Variants in BRINP2 observed in about 807,000 individuals in gnomAD.
BRINP2 encodes BMP/retinoic acid-inducible neural-specific protein 2.
In BRINP2, 21 loss-of-function variants were observed where a neutral mutation model predicts 69.2. The observed-to-expected ratio is 0.30, with a 90% CI of 0.22 to 0.44. BRINP2 has a LOEUF of 0.44. BRINP2 is among the 20% of genes least tolerant of loss of function. BRINP2 has a pLI of 1.00. For synonymous variants in BRINP2, 380 were observed against 394.1 expected, an observed-to-expected ratio of 0.96 and a Z score of 0.42; for missense variants, 877 against 986.0, an observed-to-expected ratio of 0.89 and a Z score of 1.48.
At chr1:177,180,987 T>G (rs1448778580) in intron 1 of BRINP2, among the ~76,000 whole-genome samples, 2 of 152,216 alleles carry the variant, frequency 1.3e-5, no homozygotes, top group Non-Finnish European at 2.9e-5. Context: ...TGCCAGGCAC[T>G]ATACTAGATG....
chr1:177,205,447 A>G (rs1293731148), intron 1 of BRINP2, among the ~76,000 whole-genome samples: 1 of 152,114 alleles, frequency 6.6e-6, no homozygotes, highest in East Asian at 1.9e-4. Flanking sequence ...CCTGGCCTCC[A>G]TTTTTCTTCA....
intron 1 of BRINP2, among the ~76,000 whole-genome samples, chr1:177,212,434 A>T (rs1649251317): frequency 6.6e-6 from 1 of 151,966 alleles, no homozygotes; most frequent in Non-Finnish European, 1.5e-5. Flanking sequence ...AGTCCCAGCT[A>T]CTTGGGAGGC....
chr1:177,205,715 G>C (rs1219290103), intron 1 of BRINP2, among the ~76,000 whole-genome samples: 1 of 152,186 alleles, frequency 6.6e-6, no homozygotes, highest in African/African-American at 2.4e-5. Context: ...AAAAGAGAAA[G>C]AAGTCTAGAA....
At chr1:177,194,594 T>G (rs1406972487) in intron 1 of BRINP2, among the ~76,000 whole-genome samples, 1 of 152,230 alleles carries the variant, frequency 6.6e-6, no homozygotes, top group Non-Finnish European at 1.5e-5. Context: ...AACCATTTAG[T>G]GTATCAAATC....
chr1:177,199,129 G>T (rs909955275), intron 1 of BRINP2, among the ~76,000 whole-genome samples: 1 of 152,122 alleles, frequency 6.6e-6, no homozygotes, highest in African/African-American at 2.4e-5. Context: ...AAAGATCTTT[G>T]ACCTATTTTA....
chr1:177,248,464 T>C (rs1175649416), intron 2 of BRINP2, among the ~76,000 whole-genome samples: 1 of 150,496 alleles, frequency 6.6e-6, no homozygotes, highest in Non-Finnish European at 1.5e-5. Context: ...TGCGTGCGTG[T>C]GTGTGTGCGT....
chr1:177,223,373 C>G (rs1423543111), intron 1 of BRINP2, among the ~76,000 whole-genome samples: 1 of 152,148 alleles, frequency 6.6e-6, no homozygotes, highest in African/African-American at 2.4e-5. Context: ...CTTTTAAGCT[C>G]ATTACAGGAT....
chr1:177,274,027 A>G (rs78750590), intron 5 of BRINP2, among the ~76,000 whole-genome samples: 11,856 of 152,298 alleles, frequency 0.078, 544 homozygotes, highest in African/African-American at 0.13. Flanking sequence ...AGCTCAACTA[A>G]GATCTGTACA....
chr1:177,243,287 G>A (rs1026207439), intron 2 of BRINP2, among the ~76,000 whole-genome samples: 1 of 152,190 alleles, frequency 6.6e-6, no homozygotes, highest in Non-Finnish European at 1.5e-5. Context: ...TCTACATACT[G>A]CTCTCCTTAA....
chr1:177,188,021 C>A (rs1416893805), intron 1 of BRINP2, among the ~76,000 whole-genome samples: 3 of 152,128 alleles, frequency 2.0e-5, no homozygotes, highest in Non-Finnish European at 4.4e-5. Flanking sequence ...GAGATAATAT[C>A]TATCTCAAAG....
chr1:177,247,505 T>C (rs1650422769), intron 2 of BRINP2, among the ~76,000 whole-genome samples: 1 of 152,254 alleles, frequency 6.6e-6, no homozygotes, highest in African/African-American at 2.4e-5. Context: ...TTCTTAAATA[T>C]TTTATTCAAT....
chr1:177,217,185 T>C (rs996288766), intron 1 of BRINP2, among the ~76,000 whole-genome samples: 2 of 152,048 alleles, frequency 1.3e-5, no homozygotes, highest in African/African-American at 4.8e-5. Context: ...TTCCCATAGA[T>C]GTTCTTCATT....
Position 177,278,601 on chromosome 1 carries a change from C to A in BRINP2, c.1051C>A (p.Arg351=), listed in dbSNP as rs148358436. The A allele has an allele frequency of 6.8e-6, 11 of 1,614,164 alleles. No individual in the cohort carries two copies. Among genetic ancestry groups the A allele is most frequent in the Non-Finnish European group, 9.3e-6 (11 of 1,180,038 alleles). The change falls in exon 7 of 8, where the codon CGG becomes AGG. Residue 351 remains arginine (R), a synonymous_variant. Transcript: ENST00000361539. ...CCTGCTGAAAAGGCTGCCCGATGAC[C>A]GGTTCCTGAACTCCACAGCTATCTC... ...QALLKRLPDD[R]FLNSTAISQF... is the part of the protein sequence containing the mutation.
intron 2 of BRINP2, among the ~76,000 whole-genome samples, chr1:177,251,918 T>G (rs1342098128): frequency 6.6e-6 from 1 of 152,124 alleles, no homozygotes; most frequent in Non-Finnish European, 1.5e-5. Context: ...AATAATAGAT[T>G]AGAAATTATT....
chr1:177,235,335 G>T (rs1174804984), intron 2 of BRINP2, among the ~76,000 whole-genome samples: 1 of 152,164 alleles, frequency 6.6e-6, no homozygotes, highest in African/African-American at 2.4e-5. Flanking sequence ...TGGAAAGACA[G>T]CATCCCCCAT....
chr1:177,240,644 A>G (rs759817016), intron 2 of BRINP2, among the ~76,000 whole-genome samples: 1 of 152,154 alleles, frequency 6.6e-6, no homozygotes, highest in African/African-American at 2.4e-5. Context: ...CTGAGAATAC[A>G]TTATTTTGTC....
At chr1:177,181,356 C>T (rs1648240527) in intron 1 of BRINP2, among the ~76,000 whole-genome samples, 1 of 152,176 alleles carries the variant, frequency 6.6e-6, no homozygotes, top group Non-Finnish European at 1.5e-5. Flanking sequence ...TCCTCCCTCG[C>T]GGGGAGCCCC....
chr1:177,181,426 G>C (rs1648244404), intron 1 of BRINP2, among the ~76,000 whole-genome samples: 1 of 152,180 alleles, frequency 6.6e-6, no homozygotes, highest in African/African-American at 2.4e-5. Context: ...ACTGGGGCCT[G>C]CCTGTCCCTC....
chr1:177,269,705 C>G (rs1293840484), intron 4 of BRINP2, among the ~76,000 whole-genome samples: 1 of 152,144 alleles, frequency 6.6e-6, no homozygotes, highest in Non-Finnish European at 1.5e-5. Context: ...CAGGTGTCCC[C>G]TTAGGTAGGA....
Sources: gnomAD v4.1 joint callset for allele counts (sites outside exome capture counted in the v4.1 genomes callset) on GRCh38, gnomAD v4.1.1 for gene constraint, MANE v1.5 for transcripts, NCBI Gene and HGNC (gene_info 2026-07-23, HGNC 2026-07-21) for gene names.